MEGF11: variants seen among roughly 807,000 people sequenced by gnomAD.
The protein encoded by MEGF11 is multiple epidermal growth factor-like domains protein 11.
MEGF11 carries 126 observed loss-of-function variants against 146.6 expected under a neutral mutation model. The observed-to-expected ratio is 0.86, with a 90% CI of 0.74 to 1.00. The LOEUF (loss-of-function observed/expected upper bound fraction) is 1.00. Ranked by LOEUF, MEGF11 falls within the 50% of genes least tolerant of loss-of-function variation. MEGF11 has a pLI of 0.00. For missense variants in MEGF11, 1,509 were observed against 1,521.2 expected (o/e 0.99, Z 0.13); for synonymous variants, 532 against 583.4 (o/e 0.91, Z 1.27).
intron 1 of MEGF11, 39 bp downstream of exon 1, chr15:66,253,566 G>T (rs1337025905): frequency 1.3e-5 from 2 of 148,426 alleles, no homozygotes; most frequent in African/African-American, 2.5e-5. Flanking sequence ...CCCGGCGTCC[G>T]AGACTCCGCG....
chr15:65,906,267 T>C (rs1034041930), intron 23 of MEGF11, 126 bp from the exon 24 acceptor site: 1 of 654,080 alleles, frequency 1.5e-6, no homozygotes. Context: ...AATAGTTGTT[T>C]ATTGCTAGAA....
At chr15:65,950,149 A>G (rs1382512709) in intron 10 of MEGF11, among the ~76,000 whole-genome samples, 2 of 152,248 alleles carry the variant, frequency 1.3e-5, no homozygotes, top group African/African-American at 4.8e-5. Flanking sequence ...TAGTGGCATC[A>G]TCATCATCAT....
chr15:65,956,259 A>G (rs770527769), intron 10 of MEGF11, among the ~76,000 whole-genome samples: 4 of 152,236 alleles, frequency 2.6e-5, no homozygotes, highest in Non-Finnish European at 5.9e-5. Context: ...GACCAGCATT[A>G]TTGGTATCAC....
intron 10 of MEGF11, among the ~76,000 whole-genome samples, chr15:65,934,425 A>G (rs2079692535): frequency 6.6e-6 from 1 of 151,934 alleles, no homozygotes; most frequent in Non-Finnish European, 1.5e-5. Flanking sequence ...TAATTTTTGT[A>G]TTTTTAGTAG....
chr15:66,239,632 C>T (rs1486449254), intron 1 of MEGF11, among the ~76,000 whole-genome samples: 1 of 152,210 alleles, frequency 6.6e-6, no homozygotes. Flanking sequence ...GCCCCAGCCT[C>T]CCCCAGGGTG....
rs113464998 is a variant in MEGF11, at chr15:65,974,885, G to T, written c.763-4196C>A. Among the ~76,000 whole-genome samples, 291 of 151,296 alleles carry T rather than the reference G, an allele frequency of 1.9e-3. 2 individuals carry two copies. Among genetic ancestry groups the T allele is most frequent in the African/African-American group, 6.8e-3 (281 of 41,224 alleles). ...TTTGAGATGGAGTTTCGCTCTTGTT[G>T]CCCGGGCTGGAGTGCAATGATGTGA... On this transcript the variant is annotated intron_variant, in intron 7 of 25. Transcript: ENST00000395614.
intron 13 of MEGF11, among the ~76,000 whole-genome samples, chr15:65,923,320 G>A (rs1263045659): frequency 1.3e-5 from 2 of 152,214 alleles, no homozygotes; most frequent in Non-Finnish European, 2.9e-5. Flanking sequence ...GTGGGAGTAA[G>A]AAGGGACCAG....
chr15:66,110,435 C>A lies in MEGF11; in HGVS notation c.301+8651G>T, dbSNP rs1254914463. On this transcript the variant is annotated intron_variant, in intron 4 of 25. Coordinates refer to ENST00000395614, the MANE Select transcript of MEGF11 (RefSeq NM_001385028.1). ...GACCAGACCACGGTGGCTGCATTAA[C>A]TTTGACCTCTCAGTGGGGCTCTGTC... Among the ~76,000 whole-genome samples, 4 of 152,180 alleles carry A rather than the reference C, an allele frequency of 2.6e-5. 1 individual carries two copies. The highest frequency in any genetic ancestry group is 9.7e-5 in the African/African-American group (4 of 41,432).
At chr15:66,135,065 A>G (rs563644009) in intron 1 of MEGF11, among the ~76,000 whole-genome samples, 4 of 152,358 alleles carry the variant, frequency 2.6e-5, no homozygotes, top group African/African-American at 9.6e-5. Flanking sequence ...CACGTCTTGC[A>G]CATTAAGGAA....
At chr15:66,094,070 T>C (rs2140674625) in intron 5 of MEGF11, among the ~76,000 whole-genome samples, 1 of 152,284 alleles carries the variant, frequency 6.6e-6, no homozygotes, top group Admixed American at 6.5e-5. Context: ...ACCTCCTCAG[T>C]GTGTACTCCT....
At chr15:66,149,015 G>A (rs1012847959) in intron 1 of MEGF11, among the ~76,000 whole-genome samples, 1 of 152,216 alleles carries the variant, frequency 6.6e-6, no homozygotes, top group Non-Finnish European at 1.5e-5. Flanking sequence ...GACAAGAGGA[G>A]GCAGGGCAGA....
intron 9 of MEGF11, among the ~76,000 whole-genome samples, chr15:65,962,038 G>A (rs187712093): frequency 1.8e-4 from 28 of 152,274 alleles, no homozygotes; most frequent in African/African-American, 5.3e-4. Context: ...CCCTTATTAC[G>A]GATACTTGCT....
At chr15:65,908,035 G>A (rs78819662) in intron 23 of MEGF11, among the ~76,000 whole-genome samples, 9,474 of 152,294 alleles carry the variant, frequency 0.062, 420 homozygotes, top group Non-Finnish European at 0.092. Flanking sequence ...GTGTGTGTGT[G>A]TATATGCTGG....
At chr15:66,125,545 A>C (rs1301641153) in intron 2 of MEGF11, among the ~76,000 whole-genome samples, 4 of 152,214 alleles carry the variant, frequency 2.6e-5, no homozygotes, top group Non-Finnish European at 5.9e-5. Context: ...TGACTCATAT[A>C]AGCCTCTGTC....
intron 1 of MEGF11, among the ~76,000 whole-genome samples, chr15:66,164,271 C>A (rs2090038041): frequency 6.6e-6 from 1 of 152,184 alleles, no homozygotes; most frequent in South Asian, 2.1e-4. Flanking sequence ...CTGCCCTGGA[C>A]TCAGAATTGT....
At chr15:66,149,888 C>T (rs1404033111) in intron 1 of MEGF11, among the ~76,000 whole-genome samples, 1 of 152,270 alleles carries the variant, frequency 6.6e-6, no homozygotes, top group African/African-American at 2.4e-5. Context: ...CCAGACCTCA[C>T]TGGAGCATCA....
chr15:65,995,659 C>G (rs2082175636), intron 5 of MEGF11, among the ~76,000 whole-genome samples: 1 of 152,210 alleles, frequency 6.6e-6, no homozygotes, highest in Admixed American at 6.5e-5. Flanking sequence ...GGCAAGATTC[C>G]TGTCCTTTCT....
chr15:66,073,193 G>A (rs972454196), intron 5 of MEGF11, among the ~76,000 whole-genome samples: 2 of 152,122 alleles, frequency 1.3e-5, no homozygotes, highest in African/African-American at 4.8e-5. Flanking sequence ...CCTCTGGTGT[G>A]AGGTGGCGAG....
At chr15:66,049,174 T>C (rs2084351548) in intron 5 of MEGF11, among the ~76,000 whole-genome samples, 1 of 152,226 alleles carries the variant, frequency 6.6e-6, no homozygotes, top group Non-Finnish European at 1.5e-5. Flanking sequence ...GATGGGCTAT[T>C]ATTTCCTGGA....
Sources: allele counts gnomAD v4.1 joint callset (sites outside exome capture counted in the v4.1 genomes callset), GRCh38; gene constraint gnomAD v4.1.1; transcripts MANE v1.5; gene names NCBI Gene and HGNC (gene_info 2026-07-23, HGNC 2026-07-21).